PGLS: variants seen among roughly 807,000 people sequenced by gnomAD.
The protein encoded by PGLS is 6-phosphogluconolactonase.
In PGLS, 21 loss-of-function variants were observed where a neutral mutation model predicts 23.2. The ratio of observed to expected loss-of-function variants is 0.91; its 90% confidence interval spans 0.64 to 1.31. PGLS has a LOEUF of 1.31. Among genes scored for constraint, PGLS ranks in the 50% most tolerant of loss-of-function variants. The probability of loss-of-function intolerance (pLI) is 0.00; values close to 1 mark genes in which losing one functional copy is unlikely to be tolerated. For synonymous variants in PGLS, 179 were observed against 165.4 expected, an observed-to-expected ratio of 1.08 and a Z score of -0.63; for missense variants, 410 against 354.0, an observed-to-expected ratio of 1.16 and a Z score of -1.27.
intron 4 of PGLS, among the ~76,000 whole-genome samples, chr19:17,520,047 G>A (rs940650919): frequency 2.0e-5 from 3 of 152,142 alleles, no homozygotes; most frequent in African/African-American, 4.8e-5. Flanking sequence ...CAGATACTTG[G>A]CAGACTGAGG....
At chr19:17,519,471 C>T (rs1463018102) in intron 4 of PGLS, among the ~76,000 whole-genome samples, 1 of 152,026 alleles carries the variant, frequency 6.6e-6, no homozygotes, top group Non-Finnish European at 1.5e-5. Flanking sequence ...GCCATCTCAG[C>T]TCACTGCAAC....
chr19:17,515,509 ATCTAC>A (rs1447105126), intron 1 of PGLS, among the ~76,000 whole-genome samples: 1 of 152,128 alleles, frequency 6.6e-6, no homozygotes, highest in Non-Finnish European at 1.5e-5. Flanking sequence ...AGGCCAGGGC[ATCTAC>A]TGTGCGCTAG....
intron 4 of PGLS, chr19:17,518,315 G>C (rs1016412338): frequency 1.3e-5 from 2 of 151,868 alleles, no homozygotes; most frequent in Admixed American, 6.6e-5. Context: ...AGATCTAAAA[G>C]ATAGAAAAGC....
Position 17,520,951 on chromosome 19 carries a change from TGGAGGACCA to T in PGLS, c.654_662del (p.Asp218_Glu220del). 1 of 1,595,640 alleles carries T rather than the reference TGGAGGACCA, an allele frequency of 6.3e-7. No homozygotes were observed. Among genetic ancestry groups the T allele is most frequent in the South Asian group, 1.1e-5 (1 of 88,300 alleles). ...TTCTGCCCTCTTCTTCAGCGCATTT[TGGAGGACCA>T]GGAGGAAAACCCGCTGCCCGCCGCC... is the stretch of plus-strand genomic sequence containing the variant. On this transcript the variant is annotated inframe_deletion, in exon 5 of 5. Transcript: ENST00000252603.
intron 1 of PGLS, among the ~76,000 whole-genome samples, chr19:17,515,006 C>T (rs1196976075): frequency 6.6e-6 from 1 of 152,126 alleles, no homozygotes; most frequent in Non-Finnish European, 1.5e-5. Context: ...CCAGGCTGGT[C>T]TCAAACTCCT....
intron 2 of PGLS, among the ~76,000 whole-genome samples, chr19:17,517,087 G>T (rs1316235879): frequency 6.6e-6 from 1 of 151,984 alleles, no homozygotes; most frequent in Non-Finnish European, 1.5e-5. Context: ...GTTTCATCAT[G>T]TTGGCCAGGC....
intron 4 of PGLS, among the ~76,000 whole-genome samples, chr19:17,520,106 T>C (rs537657385): frequency 6.6e-6 from 1 of 152,282 alleles, no homozygotes; most frequent in Admixed American, 6.5e-5. Context: ...TGAGCCTTGA[T>C]GCCGTCACTG....
rs774563192 is a variant in PGLS, at chr19:17,511,933, C to T, written c.261C>T (p.His87=). The change falls in exon 1 of 5, where the codon CAC becomes CAT. Residue 87 remains histidine, a synonymous_variant. Coordinates refer to ENST00000252603, the MANE Select transcript of PGLS (RefSeq NM_012088.3). The part of the protein sequence containing the change: ...FCDERLVPFD[H]AESTYGLYRT... ...ACGAGCGCCTCGTGCCCTTCGATCA[C>T]GCCGAGAGCACGTACGGCCTCTACC... 5 of 1,550,016 alleles carry T rather than the reference C, an allele frequency of 3.2e-6. No homozygotes were observed. The highest frequency in any genetic ancestry group is 2.4e-5 in the South Asian group (2 of 84,272).
intron 1 of PGLS, among the ~76,000 whole-genome samples, chr19:17,514,037 T>C (rs974031943): frequency 6.7e-6 from 1 of 150,190 alleles, no homozygotes; most frequent in Non-Finnish European, 1.5e-5. Flanking sequence ...CTTCTGCCGG[T>C]TCTCTGTGAG....
At chr19:17,519,105 G>A (rs967144854) in intron 4 of PGLS, among the ~76,000 whole-genome samples, 6 of 151,770 alleles carry the variant, frequency 4.0e-5, no homozygotes, top group African/African-American at 1.5e-4. Context: ...CCTGAGGTCA[G>A]GAGTTCAAGA....
rs990060390 is a variant in PGLS, at chr19:17,512,312, A to G, written c.288+352A>G. On this transcript the variant is annotated intron_variant, in intron 1 of 4. Transcript: ENST00000252603. Reference sequence around the variant, plus strand: ...CGCCCGCCTCCTGAACCCCGCCTACAGTGGGTCCCGCAGGACCTCACTGCG... The same window carrying G: ...CGCCCGCCTCCTGAACCCCGCCTACGGTGGGTCCCGCAGGACCTCACTGCG... 3.9e-5 allele frequency: 13 copies of G among 336,844 alleles called. No individual in the cohort carries two copies. In the South Asian group the frequency reaches 4.5e-4, roughly 12 times the overall value. The allele number at this position is 336,844 out of a possible 1,614,324, so 20.9% of individuals were successfully genotyped here.
Position 17,521,116 on chromosome 19 carries a change from C to A in PGLS, c.*35C>A. On this transcript the variant is annotated 3_prime_UTR_variant, in exon 5 of 5. Coordinates refer to ENST00000252603, the MANE Select transcript of PGLS (RefSeq NM_012088.3). The stretch of plus-strand genomic sequence containing the variant: ...GGGACGCCGCAGCTGGGACCAGGCA[C>A]GCGGCCCATGGGGCTGGGCCCCTGC... The A allele has an allele frequency of 1.3e-6, 2 of 1,550,440 alleles. No individual in the cohort carries two copies. Among genetic ancestry groups the A allele is most frequent in the Non-Finnish European group, 1.7e-6 (2 of 1,144,484 alleles).
At chr19:17,519,425 C>G (rs2075547541) in intron 4 of PGLS, among the ~76,000 whole-genome samples, 1 of 151,886 alleles carries the variant, frequency 6.6e-6, no homozygotes, top group Admixed American at 6.6e-5. Context: ...TTTGAGACAG[C>G]TTCTCACCCT....
At chr19:17,514,477 CT>C (rs1223366024) in intron 1 of PGLS, among the ~76,000 whole-genome samples, 1 of 151,258 alleles carries the variant, frequency 6.6e-6, no homozygotes, top group Non-Finnish European at 1.5e-5. Flanking sequence ...CCTATACTTT[CT>C]TTTCTTTTCC....
rs1015841336 is a variant in PGLS, at chr19:17,521,136, C to T, written c.*55C>T. 3.4e-6 allele frequency: 5 copies of T among 1,462,682 alleles called. No homozygotes were observed. Among genetic ancestry groups the T allele is most frequent in the Non-Finnish European group, 3.6e-6 (4 of 1,098,734 alleles). The allele number at this position is 1,462,682 out of a possible 1,614,324, so 90.6% of individuals were successfully genotyped here. On this transcript the variant is annotated 3_prime_UTR_variant, in exon 5 of 5. Transcript: ENST00000252603. The stretch of plus-strand genomic sequence containing the variant: ...AGGCACGCGGCCCATGGGGCTGGGC[C>T]CCTGCTGGCCGCCACTCTCCGGGCT...
chr19:17,520,588 G>C (rs1271569714), intron 4 of PGLS: 2 of 142,936 alleles, frequency 1.4e-5, no homozygotes, highest in Non-Finnish European at 2.9e-5. Flanking sequence ...AAACTTAGCC[G>C]AGCGTGGTGG....
At chr19:17,514,960 T>G (rs1416265756) in intron 1 of PGLS, among the ~76,000 whole-genome samples, 1 of 152,072 alleles carries the variant, frequency 6.6e-6, no homozygotes, top group African/African-American at 2.4e-5. Flanking sequence ...CCGCTAATTT[T>G]TTATTTTTGG....
chr19:17,517,600 TTAG>T, intron 3 of PGLS, 107 bp from the exon 4 acceptor site: 1 of 1,243,126 alleles, frequency 8.0e-7, no homozygotes, highest in Non-Finnish European at 1.1e-6. Flanking sequence ...CATGGGATTG[TTAG>T]TAGGATGGGA....
In PGLS at chr19:17,511,864, T is replaced by C. The variant is rs1320988995; in HGVS notation, c.192T>C (p.Pro64=). ...GCGAGCTACCCGCCGCCGTCGCCCC[T>C]GCCGGGCCAGCTAGCTTAGCGCGCT... The part of the protein sequence containing the change: ...LARELPAAVA[P]AGPASLARWT... Residue 64 remains proline (P), a synonymous_variant, in exon 1 of 5, where the codon CCT becomes CCC. Coordinates refer to ENST00000252603, the MANE Select transcript of PGLS (RefSeq NM_012088.3). 7.8e-6 allele frequency: 12 copies of C among 1,534,914 alleles called. No individual in the cohort carries two copies. Among genetic ancestry groups the C allele is most frequent in the Non-Finnish European group, 9.6e-6 (11 of 1,143,012 alleles).
Sources: allele counts gnomAD v4.1 joint callset (sites outside exome capture counted in the v4.1 genomes callset), GRCh38; gene constraint gnomAD v4.1.1; transcripts MANE v1.5; gene names NCBI Gene and HGNC (gene_info 2026-07-23, HGNC 2026-07-21).